Variants in DCBLD1 observed in about 807,000 individuals in gnomAD.
The protein encoded by DCBLD1 is discoidin, CUB and LCCL domain containing 1.
In DCBLD1, 57 loss-of-function variants were observed where a neutral mutation model predicts 71.5. The ratio of observed to expected loss-of-function variants is 0.80; its 90% CI spans 0.64 to 0.99. DCBLD1 has a LOEUF of 0.99. Ranked by LOEUF, DCBLD1 falls within the 50% of genes least tolerant of loss-of-function variation. DCBLD1 has a pLI of 0.00. For missense variants in DCBLD1, 891 were observed against 923.5 expected, an observed-to-expected ratio of 0.96 and a Z score of 0.46; for synonymous variants, 380 against 363.8, an observed-to-expected ratio of 1.04 and a Z score of -0.51.
chr6:117,520,249 A>G (rs1778342838), intron 3 of DCBLD1, among the ~76,000 whole-genome samples: 1 of 152,226 alleles, frequency 6.6e-6, no homozygotes, highest in African/African-American at 2.4e-5. Context: ...AAATTTTTAT[A>G]ATTATGTTTT....
intron 12 of DCBLD1, 151 bp downstream of exon 12, chr6:117,543,362 A>T: frequency 1.5e-6 from 1 of 688,560 alleles, no homozygotes; most frequent in Admixed American, 2.6e-5. Context: ...CAAGTTAGAT[A>T]AAAGTAGAAA....
chr6:117,526,573 C>T (rs1401943363), intron 5 of DCBLD1, among the ~76,000 whole-genome samples: 2 of 152,158 alleles, frequency 1.3e-5, no homozygotes, highest in African/African-American at 4.8e-5. Flanking sequence ...TATTTTTTAG[C>T]ATAACAGGTA....
intron 1 of DCBLD1, among the ~76,000 whole-genome samples, chr6:117,492,653 A>G (rs968369094): frequency 6.6e-6 from 1 of 152,222 alleles, no homozygotes; most frequent in East Asian, 1.9e-4. Flanking sequence ...ATAGCATTGC[A>G]ATACATCCAG....
At chr6:117,517,184 G>A (rs1283834423) in intron 2 of DCBLD1, among the ~76,000 whole-genome samples, 1 of 152,224 alleles carries the variant, frequency 6.6e-6, no homozygotes, top group East Asian at 1.9e-4. Flanking sequence ...CTGGCATTGG[G>A]TAAATACAGC....
intron 14 of DCBLD1, among the ~76,000 whole-genome samples, chr6:117,565,404 G>A (rs1488292871): frequency 6.6e-6 from 1 of 152,144 alleles, no homozygotes; most frequent in Non-Finnish European, 1.5e-5. Flanking sequence ...ATTTGACAAT[G>A]TGGAATTTGA....
chr6:117,524,489 C>G (rs781063801), intron 4 of DCBLD1, among the ~76,000 whole-genome samples: 6 of 152,188 alleles, frequency 3.9e-5, no homozygotes, highest in Admixed American at 6.5e-5. Context: ...CAGGCGTGAG[C>G]CACTGTGTCC....
At chr6:117,543,309 C>A in intron 12 of DCBLD1, 98 bp downstream of exon 12, 1 of 949,038 alleles carries the variant, frequency 1.1e-6, no homozygotes, top group Non-Finnish European at 1.7e-6. Context: ...ACAAAAGCAG[C>A]ATGGCTTCTT....
chr6:117,542,107 A>G (rs908111584), intron 11 of DCBLD1, among the ~76,000 whole-genome samples: 5 of 152,116 alleles, frequency 3.3e-5, no homozygotes, highest in African/African-American at 1.2e-4. Flanking sequence ...AGCCCGGGCA[A>G]CATGGTGAAA....
intron 6 of DCBLD1, among the ~76,000 whole-genome samples, chr6:117,536,593 G>T (rs376849281): frequency 1.9e-4 from 29 of 152,228 alleles, no homozygotes; most frequent in African/African-American, 5.5e-4. Flanking sequence ...AGAAGCAGGA[G>T]CTGGTTCAAG....
chr6:117,540,360 C>G (rs1484235895), intron 9 of DCBLD1: 2 of 264,878 alleles, frequency 7.6e-6, no homozygotes, highest in African/African-American at 4.3e-5. Context: ...GCCTTGTGCT[C>G]TTGAGGTTGC....
At position 117,520,389 on chromosome 6, in the gene DCBLD1, C is replaced by T. The variant is rs530337560; in HGVS notation, c.460+439C>T. On this transcript the variant is annotated intron_variant, in intron 3 of 14. Coordinates refer to ENST00000338728, the MANE Select transcript of DCBLD1 (RefSeq NM_001366458.2). The stretch of plus-strand genomic sequence containing the variant: ...CAGTTGACTTATATGGGATAGGATT[C>T]ATCTCATTTTTCCTAAAAACCTTGG... Among the ~76,000 whole-genome samples the T allele has an allele frequency of 2.6e-5, 4 of 152,296 alleles. No homozygotes were observed. In the South Asian group the frequency reaches 8.3e-4, roughly 32 times the overall value.
At chr6:117,487,678 A>T (rs1777137117) in intron 1 of DCBLD1, among the ~76,000 whole-genome samples, 1 of 152,222 alleles carries the variant, frequency 6.6e-6, no homozygotes, top group Non-Finnish European at 1.5e-5. Context: ...ATGAAATTGT[A>T]TGTCTAATCC....
chr6:117,555,236 A>G (rs998161998), intron 14 of DCBLD1, among the ~76,000 whole-genome samples: 3 of 152,220 alleles, frequency 2.0e-5, no homozygotes, highest in African/African-American at 7.2e-5. Flanking sequence ...AAAGTAGTCC[A>G]TTATTATCCT....
intron 14 of DCBLD1, among the ~76,000 whole-genome samples, chr6:117,567,736 CTGAG>C (rs1205673844): frequency 1.3e-5 from 2 of 152,050 alleles, no homozygotes; most frequent in Admixed American, 6.6e-5. Flanking sequence ...AACGAGAAAG[CTGAG>C]TGAGTCCTGC....
At chr6:117,544,768 T>C (rs1779210988) in intron 13 of DCBLD1, among the ~76,000 whole-genome samples, 191 bp downstream of exon 13, 1 of 152,020 alleles carries the variant, frequency 6.6e-6, no homozygotes, top group Admixed American at 6.6e-5. Context: ...ATGGCCACTT[T>C]ACTTTTGTTC....
At chr6:117,520,563 T>G (rs1200229539) in intron 3 of DCBLD1, among the ~76,000 whole-genome samples, 1 of 152,178 alleles carries the variant, frequency 6.6e-6, no homozygotes, top group East Asian at 1.9e-4. Context: ...ACGGGAGGCA[T>G]GCACAGTGTG....
intron 1 of DCBLD1, among the ~76,000 whole-genome samples, chr6:117,503,009 CCT>C (rs1347694316): frequency 1.3e-5 from 2 of 152,218 alleles, no homozygotes; most frequent in African/African-American, 4.8e-5. Flanking sequence ...TGTTTAGACC[CCT>C]GATGTATATA....
intron 6 of DCBLD1, among the ~76,000 whole-genome samples, chr6:117,534,253 T>TAC (rs1778814268): frequency 6.6e-6 from 1 of 152,186 alleles, no homozygotes. Context: ...TATACATATA[T>TAC]ACACACACAT....
intron 1 of DCBLD1, chr6:117,484,902 C>G (rs1431973141): frequency 1.3e-5 from 2 of 152,100 alleles, no homozygotes; most frequent in Non-Finnish European, 2.9e-5. Flanking sequence ...TGGTGTTTTT[C>G]TTGAATTAAA....
Sources: gnomAD v4.1 joint callset for allele counts (sites outside exome capture counted in the v4.1 genomes callset) on GRCh38, gnomAD v4.1.1 for gene constraint, MANE v1.5 for transcripts, NCBI Gene and HGNC (gene_info 2026-07-23, HGNC 2026-07-21) for gene names.